EIPR1: variants seen among roughly 807,000 people sequenced by gnomAD.
EIPR1 encodes the protein EARP complex and GARP complex interacting protein 1, also known as EARP and GARP complex-interacting protein 1.
Under a neutral mutation model 48.1 loss-of-function variants are expected in EIPR1, and 25 were observed. The observed-to-expected ratio is 0.52, with a 90% CI of 0.38 to 0.73. The LOEUF (loss-of-function observed/expected upper bound fraction) is 0.73. EIPR1 is among the 30% of genes least tolerant of loss of function. The probability of loss-of-function intolerance (pLI) is 0.00; values close to 1 mark genes in which losing one functional copy is unlikely to be tolerated. For synonymous variants in EIPR1, 204 were observed against 201.9 expected, an observed-to-expected ratio of 1.01 and a Z score of -0.09; for missense variants, 415 against 506.2, an observed-to-expected ratio of 0.82 and a Z score of 1.73.
At chr2:3,354,781 G>C in intron 1 of EIPR1, 148 bp from the exon 2 acceptor site, 1 of 771,188 alleles carries the variant, frequency 1.3e-6, no homozygotes, top group Non-Finnish European at 2.1e-6. Context: ...TTAGAAATAT[G>C]TATTAAATGC....
intron 5 of EIPR1, among the ~76,000 whole-genome samples, chr2:3,213,368 A>C (rs1325383719): frequency 6.6e-6 from 1 of 152,212 alleles, no homozygotes; most frequent in East Asian, 1.9e-4. Context: ...ATATATATTA[A>C]TATTTACTCT....
chr2:3,222,944 T>C (rs956476030), intron 4 of EIPR1, among the ~76,000 whole-genome samples: 7 of 152,198 alleles, frequency 4.6e-5, no homozygotes, highest in Admixed American at 2.0e-4. Flanking sequence ...ATCACGGTTT[T>C]GTGTGTCTTT....
chr2:3,217,857 T>C (rs958912284), intron 4 of EIPR1, among the ~76,000 whole-genome samples: 3 of 152,024 alleles, frequency 2.0e-5, no homozygotes, highest in African/African-American at 7.3e-5. Context: ...CCACAGAGTG[T>C]GAGTGTCACC....
At chr2:3,304,951 ATCCCGTCCAGTTCAACTCTCCAC>A (rs1668881866) in intron 3 of EIPR1, among the ~76,000 whole-genome samples, 9 of 50,516 alleles carry the variant, frequency 1.8e-4, no homozygotes, top group African/African-American at 6.0e-4. Flanking sequence ...CAGCCCTCCA[ATCCCGTCCAGTTCAACTCTCCAC>A]TCCCGTCCAG....
chr2:3,291,405 A>G (rs1013902320), intron 3 of EIPR1, among the ~76,000 whole-genome samples: 7 of 152,186 alleles, frequency 4.6e-5, no homozygotes, highest in Admixed American at 2.0e-4. Context: ...AAATCCATAT[A>G]TTAGACTATG....
At chr2:3,200,005 T>G (rs56332653) in intron 5 of EIPR1, among the ~76,000 whole-genome samples, 3 of 149,576 alleles carry the variant, frequency 2.0e-5, no homozygotes, top group Non-Finnish European at 3.0e-5. Context: ...CATCTGGGCA[T>G]GCATGGGGAG....
chr2:3,204,826 G>A (rs1343115832), intron 5 of EIPR1, among the ~76,000 whole-genome samples: 1 of 152,156 alleles, frequency 6.6e-6, no homozygotes, highest in East Asian at 1.9e-4. Context: ...ACACAGCACT[G>A]CGCTCACAGC....
chr2:3,258,455 T>C (rs1238328616), intron 3 of EIPR1, among the ~76,000 whole-genome samples: 2 of 152,192 alleles, frequency 1.3e-5, no homozygotes, highest in African/African-American at 2.4e-5. Context: ...AAATCATCAA[T>C]TGATAACAAG....
chr2:3,366,837 G>A (rs62119527), intron 1 of EIPR1, among the ~76,000 whole-genome samples: 24,564 of 152,050 alleles, frequency 0.16, 2,215 homozygotes, highest in Non-Finnish European at 0.2. Context: ...GACGGAACAC[G>A]AGGTCAGGAG....
At chr2:3,218,502 G>A (rs1173466282) in intron 4 of EIPR1, among the ~76,000 whole-genome samples, 7 of 94,238 alleles carry the variant, frequency 7.4e-5, no homozygotes, top group South Asian at 4.3e-4. Context: ...CAGGGCCCTG[G>A]TATACTCTAG....
intron 4 of EIPR1, among the ~76,000 whole-genome samples, chr2:3,230,204 T>C (rs1329564810): frequency 6.6e-6 from 1 of 152,184 alleles, no homozygotes; most frequent in African/African-American, 2.4e-5. Flanking sequence ...CTTGGATAGC[T>C]CATTGTCAGT....
At position 3,275,880 on chromosome 2, in the gene EIPR1, G is replaced by A. The variant is rs867167904; in HGVS notation, c.260-18425C>T. Among the ~76,000 whole-genome samples the A allele has an allele frequency of 7.0e-4, 106 of 152,302 alleles. No individual in the cohort carries two copies. The Middle Eastern group carries it at 0.01, about 15-fold the overall frequency. ...AAGAAGATTATTATAGAGGTTACAG[G>A]AGAAAATTGCTACCATGACAGCTGA... On this transcript the variant is annotated intron_variant, in intron 3 of 8. Transcript: ENST00000382125.
In EIPR1 at chr2:3,342,957, T is replaced by C. The variant is rs570927824; in HGVS notation, c.127-4808A>G. On this transcript the variant is annotated intron_variant, in intron 2 of 8. Coordinates refer to ENST00000382125, the MANE Select transcript of EIPR1 (RefSeq NM_003310.5). ...ACCATGAGCAAAATAAAGTAATGGC[T>C]GAAATTTATATTGCACCAGGCACTA... 2.0e-4 allele frequency among the ~76,000 whole-genome samples: 31 copies of C among 152,352 alleles called. No homozygotes were observed. In the South Asian group the frequency reaches 6.4e-3, roughly 32 times the overall value.
intron 3 of EIPR1, among the ~76,000 whole-genome samples, chr2:3,274,898 G>A (rs188103902): frequency 3.3e-5 from 5 of 152,148 alleles, no homozygotes; most frequent in South Asian, 2.1e-4. Flanking sequence ...CATGTTATCA[G>A]TAGAAAAAGA....
At chr2:3,281,884 G>A (rs991966554) in intron 3 of EIPR1, among the ~76,000 whole-genome samples, 1 of 152,178 alleles carries the variant, frequency 6.6e-6, no homozygotes, top group Non-Finnish European at 1.5e-5. Flanking sequence ...AACAAAATGA[G>A]AGATTAAAAC....
intron 3 of EIPR1, among the ~76,000 whole-genome samples, chr2:3,296,071 CTG>C (rs1668575376): frequency 8.2e-6 from 1 of 121,844 alleles, no homozygotes; most frequent in African/African-American, 3.2e-5. Flanking sequence ...CCTCCTCTCT[CTG>C]CACACACACC....
intron 4 of EIPR1, among the ~76,000 whole-genome samples, chr2:3,249,285 G>A (rs1666934542): frequency 6.6e-6 from 1 of 152,216 alleles, no homozygotes; most frequent in African/African-American, 2.4e-5. Context: ...CTGGAGCAAA[G>A]GTCACCCTTG....
At chr2:3,195,633 T>C (rs1664778170) in intron 6 of EIPR1, among the ~76,000 whole-genome samples, 1 of 152,192 alleles carries the variant, frequency 6.6e-6, no homozygotes, top group Non-Finnish European at 1.5e-5. Context: ...CCCGGGGAAC[T>C]AGATGGACAG....
intron 8 of EIPR1, among the ~76,000 whole-genome samples, chr2:3,192,019 G>A (rs772508554): frequency 6.6e-6 from 1 of 152,174 alleles, no homozygotes; most frequent in African/African-American, 2.4e-5. Flanking sequence ...ACCCCAACAC[G>A]CTCAAATCCA....
Sources: gnomAD v4.1 joint callset for allele counts (sites outside exome capture counted in the v4.1 genomes callset) on GRCh38, gnomAD v4.1.1 for gene constraint, MANE v1.5 for transcripts, NCBI Gene and HGNC (gene_info 2026-07-23, HGNC 2026-07-21) for gene names.